Variants in PIK3R6 observed in about 807,000 individuals in gnomAD.
PIK3R6 encodes the protein phosphoinositide 3-kinase regulatory subunit 6.
Under a neutral mutation model 84.9 loss-of-function variants are expected in PIK3R6, and 91 were observed. The ratio of observed to expected loss-of-function variants is 1.07; its 90% CI spans 0.90 to 1.28. The LOEUF (loss-of-function observed/expected upper bound fraction) is 1.28, where lower values mean the gene tolerates loss of function less well. Among genes scored for constraint, PIK3R6 ranks in the 50% most tolerant of loss-of-function variants. PIK3R6 has a pLI of 0.00. For synonymous variants in PIK3R6, 416 were observed against 411.4 expected, an observed-to-expected ratio of 1.01 and a Z score of -0.13; for missense variants, 996 against 985.1, an observed-to-expected ratio of 1.01 and a Z score of -0.15.
chr17:8,804,361 C>A (rs909602244), intron 18 of PIK3R6, among the ~76,000 whole-genome samples: 6 of 152,326 alleles, frequency 3.9e-5, no homozygotes, highest in Admixed American at 1.3e-4. Context: ...TCTTCCAGTT[C>A]TTTTCCCAGC....
intron 18 of PIK3R6, among the ~76,000 whole-genome samples, chr17:8,815,363 C>T (rs569299999): frequency 2.1e-3 from 326 of 151,980 alleles, no homozygotes; most frequent in African/African-American, 7.4e-3. Context: ...AAAATTAGCA[C>T]GGTGTGGTGG....
rs575688018 is a variant in PIK3R6, at chr17:8,849,836, G to A, written c.-42C>T. 33 of 1,607,280 alleles carry A rather than the reference G, an allele frequency of 2.1e-5. 1 individual carries two copies. In the East Asian group the frequency reaches 2.7e-4, roughly 13 times the overall value. On this transcript the variant is annotated 5_prime_UTR_variant, in exon 2 of 20. Coordinates refer to ENST00000619866, the MANE Select transcript of PIK3R6 (RefSeq NM_001010855.4). ...AGGAGGAGGAGGATGTGGTTGTCTC[G>A]GGCAGCAGAATAGAGAACAAGGTGG...
intron 1 of PIK3R6, among the ~76,000 whole-genome samples, chr17:8,857,754 G>C (rs80323916): frequency 6.6e-6 from 1 of 152,080 alleles, no homozygotes; most frequent in Non-Finnish European, 1.5e-5. Flanking sequence ...CAAAAAATTA[G>C]CTGGGTGTGG....
chr17:8,821,984 T>C, intron 16 of PIK3R6, 48 bp from the exon 17 acceptor site: 1 of 1,426,012 alleles, frequency 7.0e-7, no homozygotes, highest in Non-Finnish European at 9.6e-7. Flanking sequence ...GGACATACCC[T>C]TTCCCCATGC....
chr17:8,814,998 A>G (rs1343770812), intron 18 of PIK3R6, among the ~76,000 whole-genome samples: 1 of 152,212 alleles, frequency 6.6e-6, no homozygotes, highest in East Asian at 1.9e-4. Flanking sequence ...AGCATCAAAA[A>G]CTAAAAGAAA....
chr17:8,861,372 C>T (rs2089280452), intron 1 of PIK3R6, among the ~76,000 whole-genome samples: 3 of 152,176 alleles, frequency 2.0e-5, no homozygotes, highest in Non-Finnish European at 2.9e-5. Context: ...GTACTTCTCC[C>T]TAGCACCCGA....
chr17:8,803,421 A>G lies in PIK3R6; in HGVS notation c.2117T>C (p.Val706Ala). 2 of 1,603,956 alleles carry G rather than the reference A, an allele frequency of 1.2e-6. No homozygotes were observed. Among genetic ancestry groups the G allele is most frequent in the Non-Finnish European group, 1.7e-6 (2 of 1,175,320 alleles). ...RTFRDVVRFE[V>A]APCPEPCSGA... ...AGAACATGGTTCTGGGCAGGGAGCA[A>G]CCTCGAATCTGTGGGTGGAGAGAGA... The change falls in exon 20 of 20, where the codon GTT becomes GCT. Residue 706 changes from valine to alanine, a missense_variant. Transcript: ENST00000619866. The surrounding 1 kb of genome is among the most constrained non-coding windows in gnomAD (Gnocchi z 5.0).
intron 2 of PIK3R6, among the ~76,000 whole-genome samples, chr17:8,847,743 C>T (rs538628616): frequency 6.6e-6 from 1 of 151,798 alleles, no homozygotes; most frequent in Admixed American, 6.6e-5. Flanking sequence ...GTGGAAGTTG[C>T]AGTCAGCCGA....
At chr17:8,828,485 C>T in intron 11 of PIK3R6, 82 bp downstream of exon 11, 2 of 1,514,966 alleles carry the variant, frequency 1.3e-6, no homozygotes, top group South Asian at 1.2e-5. Flanking sequence ...TCTTGCCACC[C>T]TGTGATCCTT....
At chr17:8,807,890 T>C (rs774108449) in intron 18 of PIK3R6, among the ~76,000 whole-genome samples, 12 of 152,002 alleles carry the variant, frequency 7.9e-5, no homozygotes, top group African/African-American at 2.2e-4. Context: ...TGGAAGGAGA[T>C]AGATGAAGGT....
In PIK3R6 at chr17:8,842,549, C is replaced by T. The variant is rs1217435606; in HGVS notation, c.14-2852G>A. Among the ~76,000 whole-genome samples the T allele has an allele frequency of 6.6e-6, 1 of 152,182 alleles. No homozygotes were observed. Among genetic ancestry groups the T allele is most frequent in the African/African-American group, 2.4e-5 (1 of 41,448 alleles). ...AAATCCTTGAACTTGGTGTCTGCTT[C>T]TTGGCAGATCCAGACTCAGACAAGA... On this transcript the variant is annotated intron_variant, in intron 2 of 19. Coordinates refer to ENST00000619866, the MANE Select transcript of PIK3R6 (RefSeq NM_001010855.4). The surrounding 1 kb of genome is among the most constrained non-coding windows in gnomAD (Gnocchi z 4.5).
intron 9 of PIK3R6, among the ~76,000 whole-genome samples, chr17:8,831,405 G>T (rs1038293193): frequency 6.7e-6 from 1 of 150,202 alleles, no homozygotes; most frequent in East Asian, 2.0e-4. Context: ...TGTGTCTTGG[G>T]GGTGGCCCAG....
At chr17:8,833,117 G>C in intron 8 of PIK3R6, 72 bp from the exon 9 acceptor site, 4 of 1,463,062 alleles carry the variant, frequency 2.7e-6, no homozygotes, top group Non-Finnish European at 3.6e-6. Context: ...AGCCAAGTCC[G>C]CAGGGCCCTG....
chr17:8,813,455 CA>C (rs995274899), intron 18 of PIK3R6, among the ~76,000 whole-genome samples: 24 of 151,830 alleles, frequency 1.6e-4, no homozygotes, highest in African/African-American at 5.3e-4. Context: ...ACAACAACAA[CA>C]AAAAAAACTA....
Position 8,839,521 on chromosome 17 carries a change from C to T in PIK3R6, c.97+93G>A. On this transcript the variant is annotated intron_variant, in intron 3 of 19. Coordinates refer to ENST00000619866, the MANE Select transcript of PIK3R6 (RefSeq NM_001010855.4). This position sits in a 1 kb window ranked among gnomAD's most constrained non-coding sequence, Gnocchi z 4.2. ...GAGACGACCCTTGCCCCCTGAGCTC[C>T]AGGCCGGGGCTCTTTCCTGTATGCG... 9.7e-7 allele frequency: 1 copy of T among 1,027,030 alleles called. No individual in the cohort carries two copies. The highest frequency in any genetic ancestry group is 1.4e-6 in the Non-Finnish European group (1 of 706,182). The allele number at this position is 1,027,030 out of a possible 1,614,324, so 63.6% of individuals were successfully genotyped here. A position where few individuals can be genotyped will look rare whatever the true frequency, so the allele number is the denominator to read the frequency against.
At chr17:8,850,192 CT>C (rs1403341784) in intron 1 of PIK3R6, among the ~76,000 whole-genome samples, 2 of 151,550 alleles carry the variant, frequency 1.3e-5, no homozygotes, top group Non-Finnish European at 2.9e-5. Flanking sequence ...GTAATTCCAG[CT>C]ACTCAGGAGG....
At chr17:8,832,015 A>G (rs71371871) in intron 9 of PIK3R6, among the ~76,000 whole-genome samples, 14,593 of 152,252 alleles carry the variant, frequency 0.096, 768 homozygotes, top group Middle Eastern at 0.15. Context: ...AATCTATGAT[A>G]CCAGATATAA....
intron 18 of PIK3R6, among the ~76,000 whole-genome samples, chr17:8,806,824 C>T (rs1230683353): frequency 6.6e-6 from 1 of 152,224 alleles, no homozygotes; most frequent in African/African-American, 2.4e-5. Context: ...CCATGCCATT[C>T]TTCAAGCTGT....
chr17:8,828,937 C>T lies in PIK3R6; in HGVS notation c.943G>A (p.Asp315Asn). Reference protein sequence around the residue: ...RPRSQLRLSADLEVLDLQGLR... With the variant: ...RPRSQLRLSANLEVLDLQGLR... ...CCCTGCAGATCCAAGACCTCCAAGT[C>T]AGCACTGAGGCGCAGCTGGGATCTT... Residue 315 changes from aspartate to asparagine, a missense_variant, in exon 11 of 20, where the codon GAC becomes AAC. Coordinates refer to ENST00000619866, the MANE Select transcript of PIK3R6 (RefSeq NM_001010855.4). 1 of 1,518,664 alleles carries T rather than the reference C, an allele frequency of 6.6e-7. No individual in the cohort carries two copies. The highest frequency in any genetic ancestry group is 8.8e-7 in the Non-Finnish European group (1 of 1,133,728). The allele number at this position is 1,518,664 out of a possible 1,614,324, so 94.1% of individuals were successfully genotyped here.
Sources: allele counts gnomAD v4.1 joint callset (sites outside exome capture counted in the v4.1 genomes callset), GRCh38; gene constraint gnomAD v4.1.1; non-coding constraint Gnocchi (gnomAD v3.1); transcripts MANE v1.5; gene names NCBI Gene and HGNC (gene_info 2026-07-23, HGNC 2026-07-21).